TANC2: variants seen among roughly 807,000 people sequenced by gnomAD.
TANC2 encodes the protein tetratricopeptide repeat, ankyrin repeat and coiled-coil containing 2.
In TANC2, 26 loss-of-function variants were observed where a neutral mutation model predicts 210.5. The ratio of observed to expected loss-of-function variants is 0.12; its 90% CI spans 0.09 to 0.17. The LOEUF (loss-of-function observed/expected upper bound fraction) is 0.17, where lower values mean the gene tolerates loss of function less well. Ranked by LOEUF, TANC2 falls within the 10% of genes least tolerant of loss-of-function variation. The probability of loss-of-function intolerance (pLI) is 1.00; values close to 1 mark genes in which losing one functional copy is unlikely to be tolerated. For synonymous variants in TANC2, 931 were observed against 967.1 expected (o/e 0.96, Z 0.69); for missense variants, 2,129 against 2,608.9 (o/e 0.82, Z 4.01).
At chr17:63,291,551 C>A (rs1231361052) in intron 9 of TANC2, among the ~76,000 whole-genome samples, 4 of 152,090 alleles carry the variant, frequency 2.6e-5, no homozygotes. Context: ...GCAAGGGTAG[C>A]AGTGTAGGGA....
At chr17:62,990,384 C>T (rs528752941) in intron 1 of TANC2, among the ~76,000 whole-genome samples, 12 of 152,050 alleles carry the variant, frequency 7.9e-5, no homozygotes, top group Non-Finnish European at 1.6e-4. Context: ...ATAAGCAATC[C>T]TCCCACCTCA....
chr17:63,136,662 A>G (rs2039100429), intron 4 of TANC2, among the ~76,000 whole-genome samples: 2 of 152,190 alleles, frequency 1.3e-5, no homozygotes, highest in South Asian at 4.1e-4. Flanking sequence ...TAACAATGAG[A>G]GGCTTCTTCC....
chr17:63,358,564 C>T (rs1032822918), intron 14 of TANC2, among the ~76,000 whole-genome samples: 2 of 152,164 alleles, frequency 1.3e-5, no homozygotes, highest in African/African-American at 4.8e-5. Context: ...CACTGTCAGC[C>T]TTCTGACATA....
At chr17:63,390,141 A>T (rs575152926) in intron 17 of TANC2, 1 of 152,466 alleles carries the variant, frequency 6.6e-6, no homozygotes, top group East Asian at 1.9e-4. Context: ...ATGTATAAAA[A>T]CTCGATTTCA....
intron 3 of TANC2, among the ~76,000 whole-genome samples, chr17:63,094,230 T>G (rs1230522565): frequency 6.6e-6 from 1 of 152,110 alleles, no homozygotes; most frequent in African/African-American, 2.4e-5. Flanking sequence ...TACTCGTTGT[T>G]AAACTTCTCG....
intron 8 of TANC2, among the ~76,000 whole-genome samples, chr17:63,258,462 G>A (rs76743744): frequency 0.024 from 3,630 of 152,268 alleles, 59 homozygotes; most frequent in Non-Finnish European, 0.038. Flanking sequence ...GCCCAAGGCA[G>A]ATCCAGAAAT....
chr17:63,196,241 C>G (rs986372181), intron 6 of TANC2, among the ~76,000 whole-genome samples: 1 of 152,130 alleles, frequency 6.6e-6, no homozygotes, highest in African/African-American at 2.4e-5. Context: ...TACATTGTAA[C>G]TATGTCAATA....
chr17:63,420,260 C>T lies in TANC2; in HGVS notation c.4530C>T (p.Gly1510=), dbSNP rs1285247547. ...AGGATGTTGAAAATGTTTCCATTGG[C>T]CTCCAGACAGAGGCCCGGCCCAGCC... The change falls in exon 28 of 28, where the codon GGC becomes GGT. Residue 1510 remains glycine (G), a synonymous_variant. Coordinates refer to ENST00000689528, the Ensembl canonical transcript of TANC2. This position sits in a 1 kb window ranked among gnomAD's most constrained non-coding sequence, Gnocchi z 4.2. 1 of 1,613,718 alleles carries T rather than the reference C, an allele frequency of 6.2e-7. No homozygotes were observed. Among genetic ancestry groups the T allele is most frequent in the Admixed American group, 1.7e-5 (1 of 60,000 alleles).
chr17:63,411,247 T>TAAA (rs1190400725), intron 21 of TANC2, among the ~76,000 whole-genome samples: 1 of 152,108 alleles, frequency 6.6e-6, no homozygotes, highest in Non-Finnish European at 1.5e-5. Flanking sequence ...AGGGGAATAA[T>TAAA]AAAACAGGTA....
chr17:63,042,765 G>A (rs2035240095), intron 2 of TANC2, among the ~76,000 whole-genome samples: 1 of 152,084 alleles, frequency 6.6e-6, no homozygotes, highest in African/African-American at 2.4e-5. Flanking sequence ...CAGATTCACA[G>A]TGTGGTTAAG....
At chr17:63,202,138 A>G (rs895839585) in intron 7 of TANC2, among the ~76,000 whole-genome samples, 9 of 152,160 alleles carry the variant, frequency 5.9e-5, no homozygotes, top group Non-Finnish European at 8.8e-5. Context: ...AAGTTGTATA[A>G]TGATTCAGAC....
chr17:63,225,507 G>C (rs1035160500), intron 7 of TANC2, among the ~76,000 whole-genome samples: 1 of 152,094 alleles, frequency 6.6e-6, no homozygotes, highest in Admixed American at 6.5e-5. Flanking sequence ...ACTGTCTACT[G>C]TACATCTTTA....
At chr17:63,024,035 C>T (rs2034454218) in intron 2 of TANC2, among the ~76,000 whole-genome samples, 1 of 152,092 alleles carries the variant, frequency 6.6e-6, no homozygotes, top group Non-Finnish European at 1.5e-5. Context: ...ACTAACTTTA[C>T]AAGATGAATT....
Position 63,421,704 on chromosome 17 carries a change from A to G in TANC2, c.5974A>G (p.Asn1992Asp). ...CATTGCCTTTTATAACAAAACCAAC[A>G]ATGCACAGAATGGCCATTTGCTGGA... Residue 1992 changes from asparagine (N) to aspartate (D), a missense_variant, in exon 28 of 28, where the codon AAT becomes GAT. Around this residue, in one of 5 missense-constraint regions of TANC2, gnomAD observed 161 missense variants for 178.6 expected, o/e 0.90. Transcript: ENST00000689528. This position sits in a 1 kb window ranked among gnomAD's most constrained non-coding sequence, Gnocchi z 6.9. 6.2e-7 allele frequency: 1 copy of G among 1,613,998 alleles called. No homozygotes were observed. Among genetic ancestry groups the G allele is most frequent in the Non-Finnish European group, 8.5e-7 (1 of 1,179,894 alleles).
chr17:63,207,276 C>T (rs1435732333), intron 7 of TANC2, among the ~76,000 whole-genome samples: 1 of 130,952 alleles, frequency 7.6e-6, no homozygotes, highest in South Asian at 2.3e-4. Flanking sequence ...AGTGCGGTTG[C>T]GCAGTCTCGG....
At chr17:63,182,571 C>A (rs1251416101) in intron 5 of TANC2, 4 of 224,638 alleles carry the variant, frequency 1.8e-5, no homozygotes, top group Non-Finnish European at 3.7e-5. Flanking sequence ...CCTGAAGAAG[C>A]AGAAGCTGAG....
At chr17:63,364,086 A>G (rs1037792010) in intron 14 of TANC2, among the ~76,000 whole-genome samples, 8 of 152,148 alleles carry the variant, frequency 5.3e-5, no homozygotes, top group African/African-American at 1.4e-4. Flanking sequence ...CTAACCCCCT[A>G]TTGGCATCAA....
intron 4 of TANC2, among the ~76,000 whole-genome samples, chr17:63,128,962 AG>A (rs2038814579): frequency 6.6e-6 from 1 of 152,170 alleles, no homozygotes; most frequent in Non-Finnish European, 1.5e-5. Flanking sequence ...TTCTTGGTTC[AG>A]TTGCATACTT....
rs2032688690 is a variant in TANC2, at chr17:62,988,426, C to T, written c.-23-21111C>T. ...GTGCTGGGATTACAGGCGTGAGCCA[C>T]TGTGCCTGGCCAAGATGGAGTTTCT... On this transcript the variant is annotated intron_variant, in intron 1 of 27. Coordinates refer to ENST00000689528, the Ensembl canonical transcript of TANC2. Among the ~76,000 whole-genome samples the T allele has an allele frequency of 4.6e-5, 7 of 151,916 alleles. No homozygotes were observed. In the South Asian group the frequency reaches 1.5e-3, roughly 32 times the overall value.
Sources: allele counts gnomAD v4.1 joint callset (sites outside exome capture counted in the v4.1 genomes callset), GRCh38; gene constraint gnomAD v4.1.1; regional missense constraint gnomAD v4.1.1; non-coding constraint Gnocchi (gnomAD v3.1); transcripts MANE v1.5; gene names NCBI Gene and HGNC (gene_info 2026-07-23, HGNC 2026-07-21).